The following ABL1 variants were observed in gnomAD, a reference collection of about 807,000 sequenced individuals.
The protein encoded by ABL1 is tyrosine-protein kinase ABL1.
Under a neutral mutation model 94.7 loss-of-function variants are expected in ABL1, and 11 were observed. That is an observed-to-expected ratio of 0.12 (90% CI 0.07 to 0.19). ABL1 has a LOEUF of 0.19. Ranked by LOEUF, ABL1 falls within the 10% of genes least tolerant of loss-of-function variation. The pLI, the probability that ABL1 is intolerant of heterozygous loss-of-function variation, is 1.00. For synonymous variants in ABL1, 656 were observed against 622.4 expected, an observed-to-expected ratio of 1.05 and a Z score of -0.80; for missense variants, 1,082 against 1,489.4, an observed-to-expected ratio of 0.73 and a Z score of 4.50.
chr9:130,874,747 C>A, intron 6 of ABL1, 121 bp from the exon 7 acceptor site: 2 of 1,087,576 alleles, frequency 1.8e-6, no homozygotes, highest in Non-Finnish European at 1.4e-6. Context: ...TTAATACAAA[C>A]TTCCAGGGCA....
intron 1 of ABL1, among the ~76,000 whole-genome samples, chr9:130,724,294 T>A (rs1417762258): frequency 6.6e-6 from 1 of 152,144 alleles, no homozygotes; most frequent in African/African-American, 2.4e-5. Context: ...ATAAAAAAAA[T>A]TCTTGATAAG....
rs141743160 is a variant in ABL1, at chr9:130,826,969, T to G, written c.137-27095T>G. On this transcript the variant is annotated intron_variant, in intron 1 of 10. Coordinates refer to the ABL1 transcript ENST00000372348. Reference sequence around the variant, plus strand: ...GGCGGGCGCCTGTAGTCCCAGCTACTCAGGAGGCTGAGGCAGGAGAATGGC... The same window carrying G: ...GGCGGGCGCCTGTAGTCCCAGCTACGCAGGAGGCTGAGGCAGGAGAATGGC... Among the ~76,000 whole-genome samples, 918 of 152,084 alleles carry G rather than the reference T, an allele frequency of 6.0e-3. 8 individuals carry two copies. The highest frequency in any genetic ancestry group is 0.021 in the African/African-American group (860 of 41,484).
At chr9:130,724,459 TTTTA>T (rs1260227952) in intron 1 of ABL1, among the ~76,000 whole-genome samples, 3 of 152,188 alleles carry the variant, frequency 2.0e-5, no homozygotes, top group East Asian at 3.9e-4. Context: ...TATATGTTTA[TTTTA>T]TTTATTTATT....
chr9:130,846,089 GTGTGTGTGTGTGTGTGTGTGCT>G (rs2132939795), intron 1 of ABL1, among the ~76,000 whole-genome samples: 1 of 150,860 alleles, frequency 6.6e-6, no homozygotes, highest in African/African-American at 2.5e-5. Flanking sequence ...GTCTGTGTGT[GTGTGTGTGTGTGTGTGTGTGCT>G]TGTGTGTGTG....
intron 1 of ABL1, among the ~76,000 whole-genome samples, chr9:130,801,041 A>C (rs888538830): frequency 6.8e-6 from 1 of 146,916 alleles, no homozygotes; most frequent in Non-Finnish European, 1.5e-5. Flanking sequence ...AGCAATTCTC[A>C]GCGTCAGCCT....
chr9:130,791,522 G>A (rs2132808065), intron 1 of ABL1, among the ~76,000 whole-genome samples: 1 of 152,130 alleles, frequency 6.6e-6, no homozygotes, highest in East Asian at 1.9e-4. Context: ...AACGTGGGTG[G>A]GCACCATCCA....
At chr9:130,754,546 A>G (rs1832018443) in intron 1 of ABL1, among the ~76,000 whole-genome samples, 1 of 151,082 alleles carries the variant, frequency 6.6e-6, no homozygotes, top group Admixed American at 6.6e-5. Flanking sequence ...TATCATGTAA[A>G]GGGGAGTTGG....
Position 130,732,777 on chromosome 9 carries a change from G to GT in ABL1, c.136+18335dup, listed in dbSNP as rs35211032. Among the ~76,000 whole-genome samples the GT allele has an allele frequency of 5.1e-3, 751 of 146,556 alleles. 5 individuals carry two copies. Among genetic ancestry groups the GT allele is most frequent in the African/African-American group, 0.014 (556 of 39,942 alleles). ...GGGAAGCTAACATTATAGGCACAGT[G>GT]TTTTTTTTTTTTTCACTGTGTCCGT... On this transcript the variant is annotated intron_variant, in intron 1 of 10. Coordinates refer to the ABL1 transcript ENST00000372348.
intron 1 of ABL1, among the ~76,000 whole-genome samples, chr9:130,727,070 C>T (rs1156979367): frequency 1.3e-5 from 2 of 152,126 alleles, no homozygotes; most frequent in East Asian, 1.9e-4. Flanking sequence ...AATTTTATGG[C>T]CCAGCATATA....
At chr9:130,867,111 A>G (rs953044236) in intron 4 of ABL1, among the ~76,000 whole-genome samples, 5 of 152,252 alleles carry the variant, frequency 3.3e-5, no homozygotes, top group Non-Finnish European at 7.3e-5. Flanking sequence ...AGATTGACTC[A>G]TGAGCTAACT....
At chr9:130,750,208 T>C (rs1165177617) in intron 1 of ABL1, among the ~76,000 whole-genome samples, 700 of 68,248 alleles carry the variant, frequency 0.01, 10 homozygotes, top group African/African-American at 0.031. Flanking sequence ...TATATATATA[T>C]ATATATATAT....
At chr9:130,816,322 T>G (rs1830285374) in intron 1 of ABL1, among the ~76,000 whole-genome samples, 1 of 152,102 alleles carries the variant, frequency 6.6e-6, no homozygotes, top group African/African-American at 2.4e-5. Context: ...CTGATCACCT[T>G]ATTTAATTTT....
chr9:130,787,383 G>A (rs1303270659), intron 1 of ABL1, among the ~76,000 whole-genome samples: 1 of 152,016 alleles, frequency 6.6e-6, no homozygotes, highest in Non-Finnish European at 1.5e-5. Context: ...GTGAGCTCCC[G>A]TGTGAGAGAG....
chr9:130,801,677 CT>C (rs1235519188), intron 1 of ABL1, among the ~76,000 whole-genome samples: 1 of 152,120 alleles, frequency 6.6e-6, no homozygotes, highest in African/African-American at 2.4e-5. Context: ...TGGGTTGTGT[CT>C]TTTTGTTGTT....
intron 3 of ABL1, among the ~76,000 whole-genome samples, chr9:130,857,362 C>T (rs758773162): frequency 2.0e-5 from 3 of 152,246 alleles, no homozygotes; most frequent in Admixed American, 2.0e-4. Context: ...CATGTAAAAA[C>T]ACCTTTGTCA....
At chr9:130,776,017 A>G (rs1307297183) in intron 1 of ABL1, among the ~76,000 whole-genome samples, 2 of 152,246 alleles carry the variant, frequency 1.3e-5, no homozygotes, top group Non-Finnish European at 2.9e-5. Flanking sequence ...ATTTTCAGAT[A>G]AACAAAAACT....
chr9:130,774,961 G>A (rs1362906097), intron 1 of ABL1, among the ~76,000 whole-genome samples: 2 of 152,206 alleles, frequency 1.3e-5, no homozygotes, highest in Admixed American at 1.3e-4. Flanking sequence ...TCTGCACTTT[G>A]AGTGAGAGGA....
At chr9:130,836,730 C>T (rs1269181711) in intron 1 of ABL1, among the ~76,000 whole-genome samples, 2 of 149,168 alleles carry the variant, frequency 1.3e-5, no homozygotes, top group Admixed American at 6.8e-5. Flanking sequence ...GAGGCTGAGG[C>T]AGGAGAATTG....
At chr9:130,809,413 A>T (rs1449104915) in intron 1 of ABL1, among the ~76,000 whole-genome samples, 1,525 of 112,546 alleles carry the variant, frequency 0.014, 4 homozygotes, top group Non-Finnish European at 0.02. Flanking sequence ...AGAGAGAGAG[A>T]GAGAGTGTGT....
Sources: gnomAD v4.1 joint callset for allele counts (sites outside exome capture counted in the v4.1 genomes callset) on GRCh38, gnomAD v4.1.1 for gene constraint, MANE v1.5 for transcripts, NCBI Gene and HGNC (gene_info 2026-07-23, HGNC 2026-07-21) for gene names.